Variants in SH3BP4 observed in about 807,000 individuals in gnomAD.
SH3BP4 encodes SH3 domain binding protein 4.
Under a neutral mutation model 65.5 loss-of-function variants are expected in SH3BP4, and 33 were observed. That is an observed-to-expected ratio of 0.50 (90% CI 0.38 to 0.67). The LOEUF (loss-of-function observed/expected upper bound fraction) is 0.67, where lower values mean the gene tolerates loss of function less well. Among genes scored for constraint, SH3BP4 ranks in the 30% least tolerant of loss-of-function variants. The pLI is 0.00. For missense variants in SH3BP4, 1,134 were observed against 1,261.4 expected, an observed-to-expected ratio of 0.90 and a Z score of 1.53; for synonymous variants, 552 against 545.5, an observed-to-expected ratio of 1.01 and a Z score of -0.17.
intron 1 of SH3BP4, among the ~76,000 whole-genome samples, chr2:234,968,748 T>C (rs1692903545): frequency 6.6e-6 from 1 of 152,234 alleles, no homozygotes; most frequent in Non-Finnish European, 1.5e-5. Flanking sequence ...CCATATGTTT[T>C]AGTCGTTCTT....
chr2:234,961,795 G>A (rs1333603227), intron 1 of SH3BP4, among the ~76,000 whole-genome samples: 1 of 149,480 alleles, frequency 6.7e-6, no homozygotes, highest in Admixed American at 6.8e-5. Context: ...GCTCGATGCA[G>A]TCCTAAGTGT....
At chr2:235,032,841 C>T (rs1238317658) in intron 2 of SH3BP4, among the ~76,000 whole-genome samples, 1 of 152,132 alleles carries the variant, frequency 6.6e-6, no homozygotes, top group Non-Finnish European at 1.5e-5. Context: ...TCCAGGGCGT[C>T]CGGGGTTCTC....
At chr2:235,009,406 A>G (rs1208894063) in intron 2 of SH3BP4, among the ~76,000 whole-genome samples, 2 of 152,198 alleles carry the variant, frequency 1.3e-5, no homozygotes, top group African/African-American at 4.8e-5. Context: ...AGGATCTTAA[A>G]GGAGAGTTTG....
intron 1 of SH3BP4, among the ~76,000 whole-genome samples, chr2:234,964,145 C>T (rs566388860): frequency 5.5e-4 from 83 of 152,266 alleles, no homozygotes; most frequent in African/African-American, 1.9e-3. Flanking sequence ...CTTCGTGAAA[C>T]CCCAGCTATG....
chr2:234,984,200 C>T (rs989419688), intron 1 of SH3BP4, among the ~76,000 whole-genome samples: 4 of 152,096 alleles, frequency 2.6e-5, no homozygotes, highest in East Asian at 3.9e-4. Context: ...TATGAGTTTT[C>T]GTTTGTTTGT....
intron 2 of SH3BP4, among the ~76,000 whole-genome samples, chr2:235,001,563 TTGCTTGC>T (rs1694100946): frequency 6.6e-6 from 1 of 152,230 alleles, no homozygotes; most frequent in Non-Finnish European, 1.5e-5. Context: ...CAGATACTCT[TTGCTTGC>T]TTACAGAACA....
chr2:235,048,900 G>T (rs1351888879), intron 4 of SH3BP4, among the ~76,000 whole-genome samples: 3 of 152,190 alleles, frequency 2.0e-5, no homozygotes, highest in Non-Finnish European at 4.4e-5. Flanking sequence ...GTGTTTCCTG[G>T]TGTACCTGTG....
At chr2:235,049,107 T>G (rs1459660839) in intron 4 of SH3BP4, among the ~76,000 whole-genome samples, 1 of 152,190 alleles carries the variant, frequency 6.6e-6, no homozygotes, top group Non-Finnish European at 1.5e-5. Flanking sequence ...GTTGTGTAAG[T>G]GAGTGAGGGA....
At chr2:235,004,034 C>T (rs566028454) in intron 2 of SH3BP4, among the ~76,000 whole-genome samples, 11 of 152,334 alleles carry the variant, frequency 7.2e-5, no homozygotes, top group Admixed American at 6.5e-4. Flanking sequence ...GGCTGTCACT[C>T]GGTGAAGTTT....
intron 1 of SH3BP4, among the ~76,000 whole-genome samples, chr2:234,990,327 T>C (rs966759184): frequency 2.6e-5 from 4 of 152,230 alleles, no homozygotes; most frequent in Non-Finnish European, 5.9e-5. Context: ...GAGGCTCTTC[T>C]GGCCGATGGC....
intron 1 of SH3BP4, among the ~76,000 whole-genome samples, chr2:234,982,179 G>C (rs559990811): frequency 1.5e-3 from 227 of 152,320 alleles, no homozygotes; most frequent in Middle Eastern, 0.01. Context: ...TCCCGGCCCA[G>C]CTACACTTTG....
At chr2:235,024,146 G>C (rs1397005119) in intron 2 of SH3BP4, among the ~76,000 whole-genome samples, 3 of 152,208 alleles carry the variant, frequency 2.0e-5, no homozygotes, top group Non-Finnish European at 2.9e-5. Flanking sequence ...TGTACTCATT[G>C]CTTAGAGGCC....
At chr2:235,002,077 T>A (rs1010272580) in intron 2 of SH3BP4, among the ~76,000 whole-genome samples, 1 of 152,100 alleles carries the variant, frequency 6.6e-6, no homozygotes, top group Non-Finnish European at 1.5e-5. Flanking sequence ...GCCAGGCTGA[T>A]CTCAAACTCC....
Position 234,997,264 on chromosome 2 carries a change from G to A in SH3BP4, c.-133+1888G>A, listed in dbSNP as rs1221635622. Among the ~76,000 whole-genome samples the A allele has an allele frequency of 6.6e-6, 1 of 152,190 alleles. No homozygotes were observed. The highest frequency in any genetic ancestry group is 1.9e-4 in the East Asian group (1 of 5,202). On this transcript the variant is annotated intron_variant, in intron 2 of 5. Transcript: ENST00000392011. This position sits in a 1 kb window ranked among gnomAD's most constrained non-coding sequence, Gnocchi z 4.2. ...GAGGCATACATGTAGTGTTTTCTTG[G>A]TGCCTCTGAATAGTCACAGTCTGAT...
chr2:235,024,156 C>G (rs897873753), intron 2 of SH3BP4, among the ~76,000 whole-genome samples: 8 of 152,172 alleles, frequency 5.3e-5, no homozygotes, highest in Non-Finnish European at 8.8e-5. Flanking sequence ...GCTTAGAGGC[C>G]AGATTCTTGA....
chr2:234,957,849 C>G (rs561184416), intron 1 of SH3BP4, among the ~76,000 whole-genome samples: 18 of 152,128 alleles, frequency 1.2e-4, no homozygotes, highest in Admixed American at 6.5e-4. Flanking sequence ...GAGGTGAGAT[C>G]TCCCTTGCAG....
At chr2:235,024,092 A>G (rs920914785) in intron 2 of SH3BP4, among the ~76,000 whole-genome samples, 3 of 152,246 alleles carry the variant, frequency 2.0e-5, no homozygotes, top group Admixed American at 6.5e-5. Flanking sequence ...ATTGATGGAC[A>G]TGTGAGCTCT....
At chr2:234,960,096 A>C (rs1261273686) in intron 1 of SH3BP4, among the ~76,000 whole-genome samples, 3 of 152,254 alleles carry the variant, frequency 2.0e-5, no homozygotes, top group Admixed American at 2.0e-4. Flanking sequence ...TCCTGTGCAT[A>C]AATGGGAAAT....
Position 235,045,106 on chromosome 2 carries a change from G to A in SH3BP4, c.2478+1859G>A, listed in dbSNP as rs1046255139. ...ACACCTCCTGGCTCTCCAGAACCTG[G>A]TGCCGGGCCGTGGCCTGGTCTCCTC... is the stretch of plus-strand genomic sequence containing the variant. On this transcript the variant is annotated intron_variant, in intron 4 of 5. Transcript: ENST00000392011. The surrounding 1 kb of genome is among the most constrained non-coding windows in gnomAD (Gnocchi z 4.3). Among the ~76,000 whole-genome samples the A allele has an allele frequency of 2.0e-5, 3 of 152,184 alleles. No individual in the cohort carries two copies. Among genetic ancestry groups the A allele is most frequent in the African/African-American group, 7.2e-5 (3 of 41,444 alleles).
Sources: gnomAD v4.1 joint callset for allele counts (sites outside exome capture counted in the v4.1 genomes callset) on GRCh38, gnomAD v4.1.1 for gene constraint, Gnocchi (gnomAD v3.1) non-coding constraint, MANE v1.5 for transcripts, NCBI Gene and HGNC (gene_info 2026-07-23, HGNC 2026-07-21) for gene names.